Variants in LNX2 observed in about 807,000 individuals in gnomAD.
LNX2 encodes the protein ligand of Numb protein X 2.
Under a neutral mutation model 66.2 loss-of-function variants are expected in LNX2, and 35 were observed. The observed-to-expected ratio is 0.53, with a 90% CI of 0.40 to 0.70. LNX2 has a LOEUF of 0.70. Among genes scored for constraint, LNX2 ranks in the 30% least tolerant of loss-of-function variants. LNX2 has a pLI of 0.00. For missense variants in LNX2, 791 were observed against 850.8 expected, an observed-to-expected ratio of 0.93 and a Z score of 0.87; for synonymous variants, 337 against 315.6, an observed-to-expected ratio of 1.07 and a Z score of -0.72.
At chr13:27,613,540 G>A (rs890844635) in intron 1 of LNX2, among the ~76,000 whole-genome samples, 1 of 152,216 alleles carries the variant, frequency 6.6e-6, no homozygotes, top group African/African-American at 2.4e-5. Flanking sequence ...GGGAGGCCAA[G>A]ACACGCAAAT....
chr13:27,574,989 A>G (rs1354894824), intron 2 of LNX2, among the ~76,000 whole-genome samples: 1 of 152,246 alleles, frequency 6.6e-6, no homozygotes, highest in Non-Finnish European at 1.5e-5. Context: ...CTTCAAAAAT[A>G]AAAGAGAAAT....
chr13:27,575,633 T>C (rs896185763), intron 2 of LNX2, among the ~76,000 whole-genome samples: 8 of 152,158 alleles, frequency 5.3e-5, no homozygotes, highest in Non-Finnish European at 4.4e-5. Context: ...TGAATTATGC[T>C]ACTGACTTCC....
rs952210765 is a variant in LNX2 at position 27,548,127 on chromosome 13, T to A, written c.*208A>T. ...TCTGAAAATATAAACTCACAAAGGT[T>A]AGTGGAAGACTGTTTCCAAGCTAAA... is the stretch of plus-strand genomic sequence containing the variant. On this transcript the variant is annotated 3_prime_UTR_variant, in exon 10 of 10. Transcript: ENST00000316334. The A allele has an allele frequency of 5.7e-6, 3 of 526,144 alleles. No homozygotes were observed. The African/African-American group carries it at 5.7e-5, about 10-fold the overall frequency. The allele number at this position is 526,144 out of a possible 1,614,324, so 32.6% of individuals were successfully genotyped here.
In LNX2 at chr13:27,618,757, G is replaced by A. The variant is rs184441782; in HGVS notation, c.-101+1618C>T. Among the ~76,000 whole-genome samples the A allele has an allele frequency of 5.3e-5, 8 of 152,276 alleles. No homozygotes were observed. The East Asian group carries it at 1.5e-3, about 29-fold the overall frequency. ...CTCCACCTCGGACACTGGGTCCTTC[G>A]GCCAGACAAGCCCATATGCAAAGCT... is the stretch of plus-strand genomic sequence containing the variant. On this transcript the variant is annotated intron_variant, in intron 1 of 9. Transcript: ENST00000316334.
rs1027880370 is a variant in LNX2 at position 27,551,113 on chromosome 13, C to G, written c.1779-622G>C. Among the ~76,000 whole-genome samples, 7 of 152,002 alleles carry G rather than the reference C, an allele frequency of 4.6e-5. 1 individual carries two copies. In the East Asian group the frequency reaches 1.3e-3, roughly 29 times the overall value. On this transcript the variant is annotated intron_variant, in intron 8 of 9. Coordinates refer to ENST00000316334, the MANE Select transcript of LNX2 (RefSeq NM_153371.4). Reference sequence around the variant, plus strand: ...AATCTGAAAAACACTAACAAAAAATCTTTTTCTTTTTTTTTCTATCATAGA... The same window carrying G: ...AATCTGAAAAACACTAACAAAAAATGTTTTTCTTTTTTTTTCTATCATAGA...
chr13:27,579,767 C>G (rs1955377713), intron 2 of LNX2, among the ~76,000 whole-genome samples: 1 of 152,160 alleles, frequency 6.6e-6, no homozygotes, highest in South Asian at 2.1e-4. Flanking sequence ...AAGAACAGTT[C>G]TACTGAAAGA....
intron 2 of LNX2, among the ~76,000 whole-genome samples, chr13:27,579,135 G>A (rs1410612234): frequency 6.6e-6 from 1 of 152,154 alleles, no homozygotes; most frequent in Non-Finnish European, 1.5e-5. Context: ...GCACATAGCA[G>A]ATAATCAATA....
At chr13:27,620,125 C>T (rs1481899521) in intron 1 of LNX2, among the ~76,000 whole-genome samples, 2 of 151,956 alleles carry the variant, frequency 1.3e-5, no homozygotes, top group Non-Finnish European at 1.5e-5. Context: ...CGGGCGCCTG[C>T]AGGCGGCGGG....
chr13:27,601,581 A>G (rs1436609487), intron 1 of LNX2, among the ~76,000 whole-genome samples: 3 of 152,228 alleles, frequency 2.0e-5, no homozygotes, highest in Non-Finnish European at 4.4e-5. Context: ...ATAAGCTCAT[A>G]AATATCACTG....
intron 2 of LNX2, among the ~76,000 whole-genome samples, chr13:27,575,143 G>A (rs889834616): frequency 2.0e-5 from 3 of 152,178 alleles, no homozygotes; most frequent in Non-Finnish European, 4.4e-5. Flanking sequence ...CATCAGTACA[G>A]TACTGAATTA....
At chr13:27,560,565 G>GTATATATATA (rs71083675) in intron 5 of LNX2, among the ~76,000 whole-genome samples, 5,239 of 119,872 alleles carry the variant, frequency 0.044, 249 homozygotes, top group Middle Eastern at 0.082. Flanking sequence ...ATGTATGTGT[G>GTATATATATA]TATATATATA....
intron 1 of LNX2, among the ~76,000 whole-genome samples, chr13:27,593,210 C>A (rs541205447): frequency 1.3e-5 from 2 of 152,158 alleles, no homozygotes; most frequent in Non-Finnish European, 2.9e-5. Flanking sequence ...CTGGGTTCAT[C>A]CCTTTGGAAG....
intron 1 of LNX2, among the ~76,000 whole-genome samples, chr13:27,584,011 T>C (rs1489907375): frequency 1.3e-5 from 2 of 151,868 alleles, no homozygotes; most frequent in Non-Finnish European, 2.9e-5. Context: ...AAAAAAAGCA[T>C]CAGCTAAGTT....
At position 27,548,324 on chromosome 13, in the gene LNX2, A is replaced by G; in HGVS notation, c.*11T>C. 1 of 1,594,082 alleles carries G rather than the reference A, an allele frequency of 6.3e-7. No individual in the cohort carries two copies. Among genetic ancestry groups the G allele is most frequent in the South Asian group, 1.1e-5 (1 of 87,306 alleles). ...AAGGAAGATGCAAGATTTGAAACCA[A>G]TTTCCAAAATCTATACAAGGCTGCC... is the stretch of plus-strand genomic sequence containing the variant. On this transcript the variant is annotated 3_prime_UTR_variant, in exon 10 of 10. Coordinates refer to ENST00000316334, the MANE Select transcript of LNX2 (RefSeq NM_153371.4).
chr13:27,583,046 T>C (rs1955420019), intron 1 of LNX2, among the ~76,000 whole-genome samples: 1 of 152,074 alleles, frequency 6.6e-6, no homozygotes, highest in Non-Finnish European at 1.5e-5. Flanking sequence ...TACAATACTA[T>C]TTTATTCCAC....
chr13:27,607,155 T>C lies in LNX2; in HGVS notation c.-101+13220A>G, dbSNP rs543987558. On this transcript the variant is annotated intron_variant, in intron 1 of 9. Coordinates refer to ENST00000316334, the MANE Select transcript of LNX2 (RefSeq NM_153371.4). ...TTTACACATATTCTATTCAAGCTTA[T>C]TGAAATGTCCAGTGTTATAATACAT... Among the ~76,000 whole-genome samples the C allele has an allele frequency of 9.8e-5, 15 of 152,368 alleles. No individual in the cohort carries two copies. In the East Asian group the frequency reaches 2.7e-3, roughly 27 times the overall value.
Position 27,550,592 on chromosome 13 carries a change from G to A in LNX2, c.1779-101C>T, listed in dbSNP as rs532289725. 7.5e-6 allele frequency: 6 copies of A among 795,920 alleles called. No homozygotes were observed. The Admixed American group carries it at 1.2e-4, about 15-fold the overall frequency. 49.3% of individuals were successfully genotyped at this position (795,920 alleles called of 1,614,324 possible). On this transcript the variant is annotated intron_variant, in intron 8 of 9. Transcript: ENST00000316334. ...TACCATGTTATATTTACCACTCTTG[G>A]AAAAAAGAAAAAGGGCTATTAATAA...
In LNX2 at chr13:27,581,523, G is replaced by C. The variant is rs893399570; in HGVS notation, c.181C>G (p.Leu61Val). ...HICLQPLLQP[L>V]DTPCGHTFCY... Reference sequence around the variant, plus strand: ...AATGTATGTCCACAGGGTGTGTCTAGTGGCTGCAGCAGAGGTTGAAGGCAA... The same window carrying C: ...AATGTATGTCCACAGGGTGTGTCTACTGGCTGCAGCAGAGGTTGAAGGCAA... Residue 61 changes from leucine to valine, a missense_variant, in exon 2 of 10, where the codon CTA becomes GTA. Coordinates refer to ENST00000316334, the MANE Select transcript of LNX2 (RefSeq NM_153371.4). 1.9e-6 allele frequency: 3 copies of C among 1,614,148 alleles called. No homozygotes were observed. Among genetic ancestry groups the C allele is most frequent in the Non-Finnish European group, 2.5e-6 (3 of 1,180,002 alleles).
intron 1 of LNX2, among the ~76,000 whole-genome samples, chr13:27,595,505 C>T (rs1462075615): frequency 6.6e-6 from 1 of 152,114 alleles, no homozygotes; most frequent in Non-Finnish European, 1.5e-5. Flanking sequence ...ACCTGCCTTA[C>T]CAATCCTACC....
Sources: allele counts gnomAD v4.1 joint callset (sites outside exome capture counted in the v4.1 genomes callset), GRCh38; gene constraint gnomAD v4.1.1; transcripts MANE v1.5; gene names NCBI Gene and HGNC (gene_info 2026-07-23, HGNC 2026-07-21).